Variants in RDX observed in about 807,000 individuals in gnomAD.
RDX encodes radixin.
Under a neutral mutation model 83.7 loss-of-function variants are expected in RDX, and 32 were observed. The observed-to-expected ratio is 0.38, with a 90% CI of 0.29 to 0.51. The LOEUF (loss-of-function observed/expected upper bound fraction) is 0.51, where lower values mean the gene tolerates loss of function less well. RDX is among the 20% of genes least tolerant of loss of function. The probability of loss-of-function intolerance (pLI) is 0.87; values close to 1 mark genes in which losing one functional copy is unlikely to be tolerated. For synonymous variants in RDX, 229 were observed against 222.7 expected, an observed-to-expected ratio of 1.03 and a Z score of -0.25; for missense variants, 600 against 689.9, an observed-to-expected ratio of 0.87 and a Z score of 1.46.
At chr11:110,180,727 T>C (rs1273833082) in intron 15 of RDX, among the ~76,000 whole-genome samples, 1 of 151,822 alleles carries the variant, frequency 6.6e-6, no homozygotes, top group Non-Finnish European at 1.5e-5. Flanking sequence ...CTCGGCTAAC[T>C]GCAACCTCCA....
intron 2 of RDX, among the ~76,000 whole-genome samples, chr11:110,278,355 AT>A (rs1860601641): frequency 6.6e-6 from 1 of 152,114 alleles, no homozygotes; most frequent in Non-Finnish European, 1.5e-5. Context: ...TTGGAACTGA[AT>A]TTCATTTACG....
intron 10 of RDX, 40 bp downstream of exon 10, chr11:110,247,663 A>G (rs1343908567): frequency 3.8e-6 from 6 of 1,597,716 alleles, no homozygotes; most frequent in South Asian, 1.1e-5. Context: ...CAACAGAGCA[A>G]TAATAATTTT....
intron 14 of RDX, chr11:110,200,294 T>C (rs1178139752): frequency 1.3e-5 from 2 of 152,896 alleles, no homozygotes; most frequent in East Asian, 3.9e-4. Context: ...TGCAGACACG[T>C]TGGCATTGCC....
rs1190745874 is a variant in RDX, at chr11:110,257,878, T to C, written c.587A>G (p.Gln196Arg). ...GTTGACTCCATACATTTCTAGATCT[T>C]GTGCAATCTTCAGGTATTCCATCAT... ...DSMMEYLKIA[Q>R]DLEMYGVNYF... Residue 196 changes from glutamine (Q) to arginine (R), a missense_variant, in exon 7 of 14, where the codon CAA becomes CGA. Gln to Arg is a conservative substitution (Grantham distance 43, BLOSUM62 1). Coordinates refer to ENST00000645495, the MANE Select transcript of RDX (RefSeq NM_002906.4). 6.2e-7 allele frequency: 1 copy of C among 1,612,458 alleles called. No homozygotes were observed. The highest frequency in any genetic ancestry group is 1.1e-5 in the South Asian group (1 of 91,012).
intron 13 of RDX, among the ~76,000 whole-genome samples, chr11:110,232,541 T>G (rs1013756747): frequency 7.5e-6 from 1 of 132,720 alleles, no homozygotes; most frequent in Admixed American, 7.5e-5. Context: ...TTTGCCAATA[T>G]AAAATCTCAA....
At chr11:110,180,044 G>T in intron 15 of RDX, 1 of 299,898 alleles carries the variant, frequency 3.3e-6, no homozygotes, top group Admixed American at 4.0e-5. Context: ...TGGGACTACA[G>T]ACAGGCACCA....
rs61030269 is a variant in RDX, at chr11:110,230,579, T to TACACACAC, written c.*1282_*1289dup. The TACACACAC allele has an allele frequency of 0.018, 2,580 of 147,176 alleles. 32 individuals are homozygous for TACACACAC. Among genetic ancestry groups the TACACACAC allele is most frequent in the Non-Finnish European group, 0.025 (1,652 of 66,378 alleles). The allele number at this position is 147,176 out of a possible 1,614,324, so 9.1% of individuals were successfully genotyped here. A position where few individuals can be genotyped will look rare whatever the true frequency, so the allele number is the denominator to read the frequency against. On this transcript the variant is annotated 3_prime_UTR_variant, in exon 14 of 14. Transcript: ENST00000645495. ...TTCTCTCTCTCATACACACACAGAGTACACACACACACACACACACACACA... is the reference window on the plus strand; with the variant it reads ...TTCTCTCTCTCATACACACACAGAGTACACACACACACACACACACACACACACACACA...
At chr11:110,204,282 C>T (rs147955667) in intron 14 of RDX, among the ~76,000 whole-genome samples, 211 of 149,150 alleles carry the variant, frequency 1.4e-3, no homozygotes, top group African/African-American at 4.8e-3. Context: ...AAAAAATCAA[C>T]TGCATTCTCT....
At chr11:110,215,410 A>C (rs1864013157) in intron 14 of RDX, among the ~76,000 whole-genome samples, 1 of 150,090 alleles carries the variant, frequency 6.7e-6, no homozygotes, top group South Asian at 2.1e-4. Context: ...ATAAATAAAT[A>C]AAATAATAAT....
chr11:110,247,890 G>A, intron 9 of RDX, 57 bp from the exon 10 acceptor site: 7 of 1,513,794 alleles, frequency 4.6e-6, no homozygotes, highest in Non-Finnish European at 6.2e-6. Flanking sequence ...TTATTCATGT[G>A]ATGGAATACT....
At chr11:110,267,567 A>ACACAG (rs1565324982) in intron 3 of RDX, among the ~76,000 whole-genome samples, 1 of 110,974 alleles carries the variant, frequency 9.0e-6, no homozygotes, top group Non-Finnish European at 2.1e-5. Flanking sequence ...CACACACACA[A>ACACAG]ATAATCTTAA....
chr11:110,280,593 A>G (rs976397317), intron 1 of RDX, among the ~76,000 whole-genome samples: 1 of 152,258 alleles, frequency 6.6e-6, no homozygotes, highest in African/African-American at 2.4e-5. Flanking sequence ...GGAGAAAAAT[A>G]TGAATAGCTT....
chr11:110,244,227 T>G (rs536068525), intron 10 of RDX, among the ~76,000 whole-genome samples: 1 of 150,910 alleles, frequency 6.6e-6, no homozygotes, highest in African/African-American at 2.4e-5. Flanking sequence ...CTGGGTGTGG[T>G]GGTGGACGCC....
chr11:110,250,781 T>C (rs1859302221), intron 9 of RDX, among the ~76,000 whole-genome samples: 1 of 152,194 alleles, frequency 6.6e-6, no homozygotes, highest in Non-Finnish European at 1.5e-5. Flanking sequence ...CATGTTGTAG[T>C]TTACTGTACT....
Position 110,247,848 on chromosome 11 carries a change from C to T in RDX, c.960-15G>A. 1 of 1,548,266 alleles carries T rather than the reference C, an allele frequency of 6.5e-7. No homozygotes were observed. Among genetic ancestry groups the T allele is most frequent in the Non-Finnish European group, 8.7e-7 (1 of 1,147,994 alleles). On this transcript the variant is annotated splice_polypyrimidine_tract_variant and intron_variant, in intron 9 of 13. Transcript: ENST00000645495. ...CTAATTGTGCCCTTAAAAGGAATTG[C>T]AATTGCTGTTACAAATTAATACACA...
chr11:110,189,953 T>C (rs972210190), intron 15 of RDX, among the ~76,000 whole-genome samples: 2 of 152,016 alleles, frequency 1.3e-5, no homozygotes, highest in South Asian at 4.2e-4. Flanking sequence ...TGTGGTGGCA[T>C]ATGCCTATAA....
At position 110,273,473 on chromosome 11, in the gene RDX, G is replaced by A. The variant is rs1355751825; in HGVS notation, c.13-854C>T. ...GCTGGAGAGCACTGGCCATTCATGC[G>A]TGCAATCATGGCACACTGCAACCTT... On this transcript the variant is annotated intron_variant, in intron 2 of 13. Coordinates refer to ENST00000645495, the MANE Select transcript of RDX (RefSeq NM_002906.4). 2.0e-5 allele frequency among the ~76,000 whole-genome samples: 3 copies of A among 152,296 alleles called. No individual in the cohort carries two copies. The East Asian group carries it at 5.8e-4, about 29-fold the overall frequency.
intron 10 of RDX, among the ~76,000 whole-genome samples, chr11:110,239,504 G>A (rs746650749): frequency 9.2e-5 from 14 of 152,114 alleles, no homozygotes; most frequent in East Asian, 3.8e-4. Context: ...AAATAATCTC[G>A]TTTACAAATG....
At chr11:110,197,295 G>T (rs1297299352) in intron 15 of RDX, among the ~76,000 whole-genome samples, 1 of 152,184 alleles carries the variant, frequency 6.6e-6, no homozygotes, top group Non-Finnish European at 1.5e-5. Context: ...GTGCTGTGGA[G>T]AAGCCCTGGG....
Sources: gnomAD v4.1 joint callset for allele counts (sites outside exome capture counted in the v4.1 genomes callset) on GRCh38, gnomAD v4.1.1 for gene constraint, MANE v1.5 for transcripts, NCBI Gene and HGNC (gene_info 2026-07-23, HGNC 2026-07-21) for gene names.